Variants in SPIRE1 observed in about 807,000 individuals in gnomAD.
The protein encoded by SPIRE1 is protein spire homolog 1.
SPIRE1 carries 40 observed loss-of-function variants against 94.1 expected under a neutral mutation model. The observed-to-expected ratio is 0.43, with a 90% confidence interval of 0.33 to 0.55. SPIRE1 has a LOEUF of 0.55. SPIRE1 is among the 20% of genes least tolerant of loss of function. The probability of loss-of-function intolerance (pLI) is 0.06; values close to 1 mark genes in which losing one functional copy is unlikely to be tolerated. For missense variants in SPIRE1, 838 were observed against 975.2 expected, an observed-to-expected ratio of 0.86 and a Z score of 1.87; for synonymous variants, 376 against 371.7, an observed-to-expected ratio of 1.01 and a Z score of -0.13.
intron 2 of SPIRE1, among the ~76,000 whole-genome samples, chr18:12,616,829 C>T (rs2037320551): frequency 6.6e-6 from 1 of 152,144 alleles, no homozygotes; most frequent in Non-Finnish European, 1.5e-5. Context: ...ACTGGTAAAC[C>T]AACAATTCTT....
intron 2 of SPIRE1, among the ~76,000 whole-genome samples, chr18:12,548,624 T>A (rs1223093192): frequency 4.0e-5 from 6 of 151,668 alleles, no homozygotes; most frequent in Non-Finnish European, 8.8e-5. Flanking sequence ...TTTTTCTTCT[T>A]CTTTTGAGAC....
At chr18:12,513,406 C>G (rs983932398) in intron 4 of SPIRE1, among the ~76,000 whole-genome samples, 1 of 152,124 alleles carries the variant, frequency 6.6e-6, no homozygotes, top group African/African-American at 2.4e-5. Context: ...AAATTTTTCC[C>G]TAATCCCCAC....
intron 1 of SPIRE1, among the ~76,000 whole-genome samples, chr18:12,642,539 T>C (rs2038114616): frequency 2.0e-5 from 3 of 152,236 alleles, no homozygotes; most frequent in African/African-American, 4.8e-5. Flanking sequence ...CTATTTTATG[T>C]AATCTGGCAA....
At chr18:12,636,160 T>C (rs1434773889) in intron 1 of SPIRE1, among the ~76,000 whole-genome samples, 3 of 152,220 alleles carry the variant, frequency 2.0e-5, no homozygotes, top group African/African-American at 7.2e-5. Flanking sequence ...CCCAAAGTGC[T>C]GGGATTACAG....
intron 12 of SPIRE1, 126 bp from the exon 13 acceptor site, chr18:12,454,609 TG>T (rs1442302805): frequency 4.8e-6 from 4 of 829,292 alleles, no homozygotes; most frequent in Non-Finnish European, 7.8e-6. Context: ...CAATGACCAC[TG>T]GGGCAGAGCT....
chr18:12,638,668 T>C (rs1348768464), intron 1 of SPIRE1, among the ~76,000 whole-genome samples: 2 of 152,156 alleles, frequency 1.3e-5, no homozygotes, highest in African/African-American at 2.4e-5. Context: ...TAATTCTCAA[T>C]GTTAGAGGTG....
At chr18:12,546,031 C>G (rs569299717) in intron 3 of SPIRE1, among the ~76,000 whole-genome samples, 1 of 152,060 alleles carries the variant, frequency 6.6e-6, no homozygotes, top group African/African-American at 2.4e-5. Context: ...GCTCTGTCAC[C>G]CAGGCTGAAG....
intron 6 of SPIRE1, among the ~76,000 whole-genome samples, chr18:12,498,913 C>T (rs114685400): frequency 0.016 from 2,496 of 152,232 alleles, 73 homozygotes; most frequent in African/African-American, 0.057. Flanking sequence ...ATCCCAACTG[C>T]ACCCTGCCCA....
chr18:12,628,726 T>G (rs949764262), intron 2 of SPIRE1, among the ~76,000 whole-genome samples: 9 of 152,186 alleles, frequency 5.9e-5, no homozygotes, highest in Non-Finnish European at 1.0e-4. Context: ...CTTATTTTGT[T>G]GAGCAGTGGT....
At chr18:12,632,296 G>T (rs2037803983) in intron 2 of SPIRE1, among the ~76,000 whole-genome samples, 1 of 151,976 alleles carries the variant, frequency 6.6e-6, no homozygotes. Flanking sequence ...TGTGTTCCTG[G>T]GTCTGCTTCA....
At chr18:12,474,205 G>T (rs190559315) in intron 10 of SPIRE1, among the ~76,000 whole-genome samples, 1 of 152,120 alleles carries the variant, frequency 6.6e-6, no homozygotes, top group Non-Finnish European at 1.5e-5. Context: ...CCTCTTCAAG[G>T]GGAAATTCTG....
chr18:12,499,078 TTAAA>T (rs2033565531), intron 6 of SPIRE1, among the ~76,000 whole-genome samples: 2 of 152,312 alleles, frequency 1.3e-5, no homozygotes, highest in South Asian at 4.1e-4. Flanking sequence ...TATTTTTATC[TTAAA>T]TAAAACAGAA....
Position 12,493,089 on chromosome 18 carries a change from ATCT to A in SPIRE1, c.1169_1171del (p.Glu390_Ile391delinsVal). ...GGACTCACCTAATCTGCTACGTCTA[ATCT>A]CCTCTGGTGATACAGGCCGCAGCTT... On this transcript the variant is annotated inframe_deletion, in exon 8 of 17. Coordinates refer to ENST00000409402, the MANE Select transcript of SPIRE1 (RefSeq NM_001128626.2). The A allele has an allele frequency of 6.2e-7, 1 of 1,612,576 alleles. No individual in the cohort carries two copies. Among genetic ancestry groups the A allele is most frequent in the Non-Finnish European group, 8.5e-7 (1 of 1,179,788 alleles).
At chr18:12,555,531 A>G (rs1598466454) in intron 2 of SPIRE1, among the ~76,000 whole-genome samples, 1 of 152,316 alleles carries the variant, frequency 6.6e-6, no homozygotes, top group East Asian at 1.9e-4. Context: ...AAATCAATCA[A>G]TCTGACACAT....
At chr18:12,476,753 C>T (rs2032620094) in intron 10 of SPIRE1, among the ~76,000 whole-genome samples, 1 of 151,146 alleles carries the variant, frequency 6.6e-6, no homozygotes, top group Non-Finnish European at 1.5e-5. Flanking sequence ...ACATTTAATA[C>T]CTTTGCTCTT....
At chr18:12,502,522 G>T (rs370710655) in intron 6 of SPIRE1, among the ~76,000 whole-genome samples, 1 of 152,066 alleles carries the variant, frequency 6.6e-6, no homozygotes, top group Non-Finnish European at 1.5e-5. Context: ...CAATAGGAAC[G>T]GTCTTGCAAA....
chr18:12,449,499 A>G lies in SPIRE1; in HGVS notation c.*139T>C. 1 of 864,050 alleles carries G rather than the reference A, an allele frequency of 1.2e-6. No homozygotes were observed. The highest frequency in any genetic ancestry group is 1.8e-6 in the Non-Finnish European group (1 of 569,740). The allele number at this position is 864,050 out of a possible 1,614,324, so 53.5% of individuals were successfully genotyped here. The stretch of plus-strand genomic sequence containing the variant: ...GAACACAGCATTCAGTCTGTGGAAC[A>G]ATGTGATGCGGCAAAAATCTGATCT... On this transcript the variant is annotated 3_prime_UTR_variant, in exon 17 of 17. Coordinates refer to ENST00000409402, the MANE Select transcript of SPIRE1 (RefSeq NM_001128626.2).
At chr18:12,461,396 T>G (rs2031789199) in intron 12 of SPIRE1, among the ~76,000 whole-genome samples, 1 of 129,606 alleles carries the variant, frequency 7.7e-6, no homozygotes, top group Non-Finnish European at 1.7e-5. Flanking sequence ...ACAAGTTCCC[T>G]CTTACCTATA....
intron 2 of SPIRE1, among the ~76,000 whole-genome samples, chr18:12,601,491 T>C (rs991595160): frequency 6.6e-6 from 1 of 152,148 alleles, no homozygotes; most frequent in African/African-American, 2.4e-5. Flanking sequence ...CCCTAAAATT[T>C]GCTGATTCAA....
Sources: allele counts gnomAD v4.1 joint callset (sites outside exome capture counted in the v4.1 genomes callset), GRCh38; gene constraint gnomAD v4.1.1; transcripts MANE v1.5; gene names NCBI Gene and HGNC (gene_info 2026-07-23, HGNC 2026-07-21).